Variants in FBXO8 observed in about 807,000 individuals in gnomAD.
FBXO8 encodes the protein F-box only protein 8.
Under a neutral mutation model 33.4 loss-of-function variants are expected in FBXO8, and 15 were observed. The ratio of observed to expected loss-of-function variants is 0.45; its 90% CI spans 0.30 to 0.69. FBXO8 has a LOEUF of 0.69. FBXO8 is among the 30% of genes least tolerant of loss of function. The pLI, the probability that FBXO8 is intolerant of heterozygous loss-of-function variation, is 0.08. For missense variants in FBXO8, 274 were observed against 380.3 expected (o/e 0.72, Z 2.32); for synonymous variants, 132 against 131.5 (o/e 1.00, Z -0.02).
At chr4:174,264,841 G>A (rs556325612) in intron 1 of FBXO8, among the ~76,000 whole-genome samples, 223 of 148,784 alleles carry the variant, frequency 1.5e-3, no homozygotes, top group African/African-American at 5.1e-3. Flanking sequence ...GACAAGCCAC[G>A]GACCAGGAGA....
At position 174,257,913 on chromosome 4, in the gene FBXO8, A is replaced by G. The variant is rs1736455154; in HGVS notation, c.456+1786T>C. On this transcript the variant is annotated intron_variant, in intron 3 of 5. Coordinates refer to ENST00000393674, the MANE Select transcript of FBXO8 (RefSeq NM_012180.3). The surrounding 1 kb of genome is among the most constrained non-coding windows in gnomAD (Gnocchi z 4.3). ...CTAATTTTTTAAAAATTTTTTGTGG[A>G]GACAGGACCTCCCTATGTTGTCCAG... Among the ~76,000 whole-genome samples the G allele has an allele frequency of 6.6e-6, 1 of 151,968 alleles. No homozygotes were observed. The highest frequency in any genetic ancestry group is 6.6e-5 in the Admixed American group (1 of 15,250).
In FBXO8 at chr4:174,247,746, T is replaced by C. The variant is rs143592221; in HGVS notation, c.457-6528A>G. ...GTGACACAATATACGTTATTAATAGTAAAAATAATTGACACATCTGCAGGT... is the reference window on the plus strand; with the variant it reads ...GTGACACAATATACGTTATTAATAGCAAAAATAATTGACACATCTGCAGGT... On this transcript the variant is annotated intron_variant, in intron 3 of 5. Transcript: ENST00000393674. The surrounding 1 kb of genome is among the most constrained non-coding windows in gnomAD (Gnocchi z 4.6). Among the ~76,000 whole-genome samples, 171 of 152,164 alleles carry C rather than the reference T, an allele frequency of 1.1e-3. 2 individuals carry two copies. In the East Asian group the frequency reaches 0.026, roughly 23 times the overall value.
rs980281198 is a variant in FBXO8 at position 174,259,562 on chromosome 4, A to T, written c.456+137T>A. Reference sequence around the variant, plus strand: ...TGACTATGTCACATAGCAATAGTTTAAAATATTGGTTTTCTCAGTGATCAA... The same window carrying T: ...TGACTATGTCACATAGCAATAGTTTTAAATATTGGTTTTCTCAGTGATCAA... On this transcript the variant is annotated intron_variant, in intron 3 of 5. Coordinates refer to ENST00000393674, the MANE Select transcript of FBXO8 (RefSeq NM_012180.3). This position sits in a 1 kb window ranked among gnomAD's most constrained non-coding sequence, Gnocchi z 4.3. 6.3e-6 allele frequency: 7 copies of T among 1,109,174 alleles called. No individual in the cohort carries two copies. The African/African-American group carries it at 1.1e-4, about 18-fold the overall frequency. 68.7% of individuals were successfully genotyped at this position (1,109,174 alleles called of 1,614,324 possible). A position where few individuals can be genotyped will look rare whatever the true frequency, so the allele number is the denominator to read the frequency against.
Position 174,253,794 on chromosome 4 carries a change from G to T in FBXO8, c.456+5905C>A, listed in dbSNP as rs1736353056. ...AAGTACGCCAAAGGCTTCTCAAAAA[G>T]ATTTTTCTCCCTAATAAGTATAAGG... On this transcript the variant is annotated intron_variant, in intron 3 of 5. Coordinates refer to ENST00000393674, the MANE Select transcript of FBXO8 (RefSeq NM_012180.3). The surrounding 1 kb of genome is among the most constrained non-coding windows in gnomAD (Gnocchi z 4.5). Among the ~76,000 whole-genome samples the T allele has an allele frequency of 6.6e-6, 1 of 152,188 alleles. No homozygotes were observed.
intron 3 of FBXO8, among the ~76,000 whole-genome samples, chr4:174,246,444 C>A (rs1736159082): frequency 1.3e-5 from 2 of 151,942 alleles, no homozygotes; most frequent in Admixed American, 1.3e-4. Flanking sequence ...CAAGAGGTCT[C>A]TTTCCACACT....
Position 174,236,899 on chromosome 4 carries a change from T to C in FBXO8, c.*513A>G, listed in dbSNP as rs1336566015. 6.6e-6 allele frequency: 1 copy of C among 152,112 alleles called. No individual in the cohort carries two copies. The highest frequency in any genetic ancestry group is 1.9e-4 in the East Asian group (1 of 5,190). 9.4% of individuals were successfully genotyped at this position (152,112 alleles called of 1,614,324 possible). A position where few individuals can be genotyped will look rare whatever the true frequency, so the allele number is the denominator to read the frequency against. ...AAAAGGAAGCTGGTATTGGTTTCTG[T>C]CTGAAGTCAGATCTAACTTTTACGA... On this transcript the variant is annotated 3_prime_UTR_variant, in exon 6 of 6. Transcript: ENST00000393674.
rs1236954656 is a variant in FBXO8 at position 174,237,945 on chromosome 4, C to T, written c.773-346G>A. Among the ~76,000 whole-genome samples the T allele has an allele frequency of 1.3e-5, 2 of 151,954 alleles. No individual in the cohort carries two copies. Among genetic ancestry groups the T allele is most frequent in the African/African-American group, 4.8e-5 (2 of 41,400 alleles). On this transcript the variant is annotated intron_variant, in intron 5 of 5. Transcript: ENST00000393674. This position sits in a 1 kb window ranked among gnomAD's most constrained non-coding sequence, Gnocchi z 4.4. ...AATTTAGAATTGGCTTTATTTTCGT[C>T]TTTGCTTTCAAATGTGATATTTCTA...
At chr4:174,246,592 TA>T (rs1399387539) in intron 3 of FBXO8, among the ~76,000 whole-genome samples, 4 of 144,302 alleles carry the variant, frequency 2.8e-5, no homozygotes, top group African/African-American at 7.4e-5. Flanking sequence ...AAAGAGAAAG[TA>T]TTTTTTTTTC....
intron 1 of FBXO8, among the ~76,000 whole-genome samples, chr4:174,264,393 C>T (rs1291479401): frequency 6.6e-6 from 1 of 152,064 alleles, no homozygotes; most frequent in African/African-American, 2.4e-5. Context: ...CTAGAGCATG[C>T]CTTCTTCTGG....
intron 1 of FBXO8, among the ~76,000 whole-genome samples, chr4:174,273,636 T>C (rs896026270): frequency 2.6e-5 from 4 of 152,134 alleles, no homozygotes; most frequent in African/African-American, 9.7e-5. Context: ...TCCAAAATGG[T>C]TCAGCAAAAC....
At position 174,263,619 on chromosome 4, in the gene FBXO8, T is replaced by C. The variant is rs974732486; in HGVS notation, c.-8-519A>G. On this transcript the variant is annotated intron_variant, in intron 1 of 5. Transcript: ENST00000393674. This position sits in a 1 kb window ranked among gnomAD's most constrained non-coding sequence, Gnocchi z 4.2. ...TTCTTGCCAGTCTACACTTACATTG[T>C]AGACTGTAATAAAATGTAACATAGG... is the stretch of plus-strand genomic sequence containing the variant. Among the ~76,000 whole-genome samples the C allele has an allele frequency of 6.6e-6, 1 of 152,154 alleles. No homozygotes were observed. The highest frequency in any genetic ancestry group is 1.5e-5 in the Non-Finnish European group (1 of 68,032).
rs1736348888 is a variant in FBXO8, at chr4:174,253,643, C to A, written c.456+6056G>T. Among the ~76,000 whole-genome samples the A allele has an allele frequency of 6.6e-6, 1 of 152,176 alleles. No individual in the cohort carries two copies. The highest frequency in any genetic ancestry group is 1.5e-5 in the Non-Finnish European group (1 of 68,018). ...AAGGCCATTTCCCTGTTTTTCATTT[C>A]TTCTAGCATCCTAGCTGCAGTTGTT... On this transcript the variant is annotated intron_variant, in intron 3 of 5. Transcript: ENST00000393674. This position sits in a 1 kb window ranked among gnomAD's most constrained non-coding sequence, Gnocchi z 4.5.
rs1737010287 is a variant in FBXO8 at position 174,278,838 on chromosome 4, T to G, written c.-9+4572A>C. 6.6e-6 allele frequency among the ~76,000 whole-genome samples: 1 copy of G among 151,922 alleles called. No individual in the cohort carries two copies. Among genetic ancestry groups the G allele is most frequent in the Non-Finnish European group, 1.5e-5 (1 of 67,918 alleles). On this transcript the variant is annotated intron_variant, in intron 1 of 5. Transcript: ENST00000393674. The surrounding 1 kb of genome is among the most constrained non-coding windows in gnomAD (Gnocchi z 4.1). ...AATGAATATTGAAGGCAGCCAGAAA[T>G]AGGAGGAAGGTGAAAAATGAGAAAA...
Position 174,259,926 on chromosome 4 carries a change from G to C in FBXO8, c.330-101C>G, listed in dbSNP as rs1340734817. 1 of 1,233,534 alleles carries C rather than the reference G, an allele frequency of 8.1e-7. No individual in the cohort carries two copies. The highest frequency in any genetic ancestry group is 1.1e-6 in the Non-Finnish European group (1 of 902,870). 76.4% of individuals were successfully genotyped at this position (1,233,534 alleles called of 1,614,324 possible). A position where few individuals can be genotyped will look rare whatever the true frequency, so the allele number is the denominator to read the frequency against. On this transcript the variant is annotated intron_variant, in intron 2 of 5. Transcript: ENST00000393674. The surrounding 1 kb of genome is among the most constrained non-coding windows in gnomAD (Gnocchi z 4.3). ...AAAAATAGTAACATGAAATAAGATT[G>C]AATTTTATAGTTCTAAAGTTTAAAA...
At chr4:174,266,838 A>G (rs1360209146) in intron 1 of FBXO8, among the ~76,000 whole-genome samples, 1 of 152,256 alleles carries the variant, frequency 6.6e-6, no homozygotes, top group Non-Finnish European at 1.5e-5. Flanking sequence ...ACATAAAGTT[A>G]ATTTCATGGC....
rs1313615421 is a variant in FBXO8 at position 174,253,271 on chromosome 4, A to C, written c.456+6428T>G. Among the ~76,000 whole-genome samples the C allele has an allele frequency of 6.6e-6, 1 of 152,164 alleles. No homozygotes were observed. The highest frequency in any genetic ancestry group is 1.5e-5 in the Non-Finnish European group (1 of 68,022). On this transcript the variant is annotated intron_variant, in intron 3 of 5. Transcript: ENST00000393674. The surrounding 1 kb of genome is among the most constrained non-coding windows in gnomAD (Gnocchi z 4.5). ...GTGCCACTAGAAGGAACCCCAAGACATCTCTTGAGTTCCACCTATATCCTT... is the reference window on the plus strand; with the variant it reads ...GTGCCACTAGAAGGAACCCCAAGACCTCTCTTGAGTTCCACCTATATCCTT...
At position 174,255,959 on chromosome 4, in the gene FBXO8, T is replaced by A; in HGVS notation, c.456+3740A>T. The A allele has an allele frequency of 3.0e-6, 1 of 337,360 alleles. No homozygotes were observed. The highest frequency in any genetic ancestry group is 3.3e-5 in the Admixed American group (1 of 30,474). 20.9% of individuals were successfully genotyped at this position (337,360 alleles called of 1,614,324 possible). On this transcript the variant is annotated intron_variant, in intron 3 of 5. Coordinates refer to ENST00000393674, the MANE Select transcript of FBXO8 (RefSeq NM_012180.3). The surrounding 1 kb of genome is among the most constrained non-coding windows in gnomAD (Gnocchi z 4.3). ...AAAGTACACAAGCTCATGCACAAGA[T>A]CAAGACGTTACATACAGCTGAGATC...
chr4:174,282,976 C>T (rs1218658763), intron 1 of FBXO8, among the ~76,000 whole-genome samples: 1 of 152,168 alleles, frequency 6.6e-6, no homozygotes, highest in East Asian at 1.9e-4. Flanking sequence ...AGCAATCCAT[C>T]GTGATCTTAA....
At position 174,275,060 on chromosome 4, in the gene FBXO8, G is replaced by A. The variant is rs193133595; in HGVS notation, c.-9+8350C>T. The stretch of plus-strand genomic sequence containing the variant: ...TGTAAACCACATATCTGACGGACGA[G>A]TATCTAGAATATATAAACAACTCTC... On this transcript the variant is annotated intron_variant, in intron 1 of 5. Coordinates refer to ENST00000393674, the MANE Select transcript of FBXO8 (RefSeq NM_012180.3). This position sits in a 1 kb window ranked among gnomAD's most constrained non-coding sequence, Gnocchi z 4.4. Among the ~76,000 whole-genome samples, 1 of 152,208 alleles carries A rather than the reference G, an allele frequency of 6.6e-6. No individual in the cohort carries two copies. Among genetic ancestry groups the A allele is most frequent in the Admixed American group, 6.5e-5 (1 of 15,294 alleles).
Sources: allele counts gnomAD v4.1 joint callset (sites outside exome capture counted in the v4.1 genomes callset), GRCh38; gene constraint gnomAD v4.1.1; non-coding constraint Gnocchi (gnomAD v3.1); transcripts MANE v1.5; gene names NCBI Gene and HGNC (gene_info 2026-07-23, HGNC 2026-07-21).